TNR: variants seen among roughly 807,000 people sequenced by gnomAD.
The protein encoded by TNR is tenascin-R.
TNR carries 45 observed loss-of-function variants against 150.4 expected under a neutral mutation model. That is an observed-to-expected ratio of 0.30 (90% CI 0.24 to 0.38). The LOEUF (loss-of-function observed/expected upper bound fraction) is 0.38, where lower values mean the gene tolerates loss of function less well. Among genes scored for constraint, TNR ranks in the 10% least tolerant of loss-of-function variants. TNR has a pLI of 1.00. For synonymous variants in TNR, 687 were observed against 678.4 expected (o/e 1.01, Z -0.20); for missense variants, 1,544 against 1,759.1 (o/e 0.88, Z 2.19).
At chr1:175,499,113 A>G (rs1338483561) in intron 2 of TNR, among the ~76,000 whole-genome samples, 1 of 152,038 alleles carries the variant, frequency 6.6e-6, no homozygotes, top group African/African-American at 2.4e-5. Context: ...GGATCTCGCC[A>G]ATCACGAGTT....
chr1:175,718,033 C>T (rs1002027404), intron 1 of TNR, among the ~76,000 whole-genome samples: 3 of 152,166 alleles, frequency 2.0e-5, no homozygotes, highest in Non-Finnish European at 4.4e-5. Flanking sequence ...ACGTAAGTAC[C>T]AAAGATGCCT....
In TNR at chr1:175,621,713, TG is replaced by T. The variant is rs1261849624; in HGVS notation, c.-164-93345del. ...TTCACTTCCTCACTTGGAACTTTCC[TG>T]CTCCTCCCTCCTTCCTCTCTGCCTT... On this transcript the variant is annotated intron_variant, in intron 1 of 22. Coordinates refer to ENST00000367674, the MANE Select transcript of TNR (RefSeq NM_003285.3). Among the ~76,000 whole-genome samples, 5 of 152,356 alleles carry T rather than the reference TG, an allele frequency of 3.3e-5. No homozygotes were observed. The East Asian group carries it at 7.7e-4, about 24-fold the overall frequency.
chr1:175,666,964 G>T (rs72725496), intron 1 of TNR, among the ~76,000 whole-genome samples: 1 of 151,974 alleles, frequency 6.6e-6, no homozygotes, highest in Non-Finnish European at 1.5e-5. Context: ...TATTAACCTG[G>T]GTGGTCTTGA....
At chr1:175,579,172 C>CCTT (rs1435635716) in intron 1 of TNR, among the ~76,000 whole-genome samples, 1 of 138,888 alleles carries the variant, frequency 7.2e-6, no homozygotes, top group Non-Finnish European at 1.6e-5. Flanking sequence ...TTCTTTCCTT[C>CCTT]CTTCCTTCCT....
At position 175,444,576 on chromosome 1, in the gene TNR, A is replaced by G. The variant is rs941071357; in HGVS notation, c.-63-37799T>C. Among the ~76,000 whole-genome samples the G allele has an allele frequency of 2.0e-5, 3 of 152,290 alleles. No homozygotes were observed. In the East Asian group the frequency reaches 5.8e-4, roughly 29 times the overall value. ...CCACATCCCAGAATTAACAAATACC[A>G]TGGTTTATTCACTCATTCATTCAAG... On this transcript the variant is annotated intron_variant, in intron 2 of 22. Transcript: ENST00000367674.
intron 1 of TNR, among the ~76,000 whole-genome samples, chr1:175,649,184 C>T (rs1249869458): frequency 6.6e-6 from 1 of 152,148 alleles, no homozygotes; most frequent in Non-Finnish European, 1.5e-5. Context: ...GGCTCTGCCT[C>T]CTAGCTTTGC....
chr1:175,529,331 A>G (rs1473374949), intron 1 of TNR, among the ~76,000 whole-genome samples: 2 of 152,240 alleles, frequency 1.3e-5, no homozygotes, highest in Admixed American at 6.5e-5. Context: ...TTGCTCATCT[A>G]AGACATCTGT....
At chr1:175,386,409 T>G in intron 7 of TNR, 108 bp from the exon 8 acceptor site, 2 of 1,222,096 alleles carry the variant, frequency 1.6e-6, no homozygotes, top group Non-Finnish European at 2.2e-6. Context: ...AGAGAGAGGA[T>G]GGGTATTGTT....
At chr1:175,551,689 A>C (rs1660944205) in intron 1 of TNR, among the ~76,000 whole-genome samples, 1 of 152,242 alleles carries the variant, frequency 6.6e-6, no homozygotes, top group South Asian at 2.1e-4. Context: ...GAAGATTAAA[A>C]ATTAAACTCC....
chr1:175,437,804 T>C (rs962425418), intron 2 of TNR, among the ~76,000 whole-genome samples: 4 of 152,128 alleles, frequency 2.6e-5, no homozygotes, highest in African/African-American at 9.7e-5. Flanking sequence ...CCTCGACACA[T>C]ACACCCTCCC....
chr1:175,411,556 A>C (rs182238898), intron 2 of TNR, among the ~76,000 whole-genome samples: 1 of 151,780 alleles, frequency 6.6e-6, no homozygotes, highest in Non-Finnish European at 1.5e-5. Context: ...AATCTGCCCC[A>C]TGCCCCTCTC....
chr1:175,392,577 T>C (rs967127197), intron 6 of TNR, among the ~76,000 whole-genome samples: 9 of 152,240 alleles, frequency 5.9e-5, no homozygotes, highest in African/African-American at 1.2e-4. Context: ...ATCGTTTCAA[T>C]TGTTATGTAA....
intron 1 of TNR, among the ~76,000 whole-genome samples, chr1:175,661,862 C>T (rs1010457265): frequency 1.4e-5 from 2 of 146,268 alleles, no homozygotes; most frequent in African/African-American, 5.0e-5. Context: ...TTTGCCGCAC[C>T]CCTCTTTCTC....
At chr1:175,496,423 T>C (rs1438027138) in intron 2 of TNR, among the ~76,000 whole-genome samples, 2 of 152,338 alleles carry the variant, frequency 1.3e-5, no homozygotes, top group Non-Finnish European at 2.9e-5. Context: ...AAAATTAAAG[T>C]GCTGGCTGGC....
At chr1:175,425,107 G>A (rs763689673) in intron 2 of TNR, among the ~76,000 whole-genome samples, 102 of 151,956 alleles carry the variant, frequency 6.7e-4, no homozygotes, top group Non-Finnish European at 1.2e-3. Flanking sequence ...AACCACTGTC[G>A]AAGACCTTAT....
chr1:175,706,693 A>G (rs375871316), intron 1 of TNR, among the ~76,000 whole-genome samples: 1 of 152,104 alleles, frequency 6.6e-6, no homozygotes, highest in African/African-American at 2.4e-5. Context: ...CTCATTCCCT[A>G]TGACCCTTCC....
rs1651657488 is a variant in TNR, at chr1:175,362,722, C to T, written c.2795G>A (p.Ser932Asn). The change falls in exon 14 of 23, where the codon AGC becomes AAC. Residue 932 changes from serine (S) to asparagine (N), a missense_variant. Transcript: ENST00000367674. ...CTCCCTGCCCCGCACGCTGTTGAGG[C>T]TGATTTCGTATTCGGTAGCTGGGTT... is the stretch of plus-strand genomic sequence containing the variant. ...RLNPATEYEI[S>N]LNSVRGREES... 6.2e-7 allele frequency: 1 copy of T among 1,614,118 alleles called. No homozygotes were observed. Among genetic ancestry groups the T allele is most frequent in the East Asian group, 2.2e-5 (1 of 44,866 alleles).
intron 1 of TNR, among the ~76,000 whole-genome samples, chr1:175,593,909 C>T (rs1662905623): frequency 6.6e-6 from 1 of 152,174 alleles, no homozygotes. Flanking sequence ...CTCTGGCTGG[C>T]AACAGTGCTG....
At chr1:175,414,372 G>A (rs1157661126) in intron 2 of TNR, among the ~76,000 whole-genome samples, 1 of 152,094 alleles carries the variant, frequency 6.6e-6, no homozygotes, top group Non-Finnish European at 1.5e-5. Flanking sequence ...GGTGGACTGT[G>A]AAAATATAAA....
Sources: gnomAD v4.1 joint callset for allele counts (sites outside exome capture counted in the v4.1 genomes callset) on GRCh38, gnomAD v4.1.1 for gene constraint, MANE v1.5 for transcripts, NCBI Gene and HGNC (gene_info 2026-07-23, HGNC 2026-07-21) for gene names.